The following COP1 variants were observed in gnomAD, a reference collection of about 807,000 sequenced individuals.
COP1 encodes the protein COP1 E3 ubiquitin ligase.
Under a neutral mutation model 101.3 loss-of-function variants are expected in COP1, and 24 were observed. The observed-to-expected ratio is 0.24, with a 90% CI of 0.17 to 0.33. COP1 has a LOEUF of 0.33. Ranked by LOEUF, COP1 falls within the 10% of genes least tolerant of loss-of-function variation. COP1 has a pLI of 1.00. For synonymous variants in COP1, 347 were observed against 341.9 expected (o/e 1.01, Z -0.17); for missense variants, 663 against 906.2 (o/e 0.73, Z 3.45).
intron 18 of COP1, among the ~76,000 whole-genome samples, chr1:175,985,163 T>G (rs775174300): frequency 2.6e-5 from 4 of 152,164 alleles, no homozygotes; most frequent in South Asian, 2.1e-4. Flanking sequence ...CAGTTAAAAT[T>G]TTCAATCTTG....
intron 9 of COP1, among the ~76,000 whole-genome samples, chr1:176,089,542 A>C (rs1255001699): frequency 1.3e-5 from 2 of 152,232 alleles, no homozygotes; most frequent in Non-Finnish European, 1.5e-5. Context: ...ACTGTACCAC[A>C]ATGCCAAATG....
In COP1 at chr1:176,206,892, CGAG is replaced by C; in HGVS notation, c.84_86del (p.Ser30del). The C allele has an allele frequency of 6.8e-7, 1 of 1,465,424 alleles. No individual in the cohort carries two copies. The highest frequency in any genetic ancestry group is 9.0e-7 in the Non-Finnish European group (1 of 1,114,120). The allele number at this position is 1,465,424 out of a possible 1,614,324, so 90.8% of individuals were successfully genotyped here. ...GCGGCGACGGGGAAGAGGATAAAGA[CGAG>C]GAGGCGGAAGTCACCGAGGAGGCCG... On this transcript the variant is annotated inframe_deletion, in exon 1 of 20. Coordinates refer to ENST00000367669, the MANE Select transcript of COP1 (RefSeq NM_022457.7).
intron 9 of COP1, among the ~76,000 whole-genome samples, chr1:176,102,883 G>T (rs1683654075): frequency 6.6e-6 from 1 of 152,138 alleles, no homozygotes; most frequent in Non-Finnish European, 1.5e-5. Context: ...AGTGCAAGAG[G>T]ACAGCTTCAA....
intron 15 of COP1, among the ~76,000 whole-genome samples, chr1:175,998,063 TAAAAAAAAAAAAAAAAAAAAAAA>T (rs57110017): frequency 1.5e-5 from 1 of 66,802 alleles, no homozygotes; most frequent in Non-Finnish European, 2.4e-5. Flanking sequence ...AGAGTATAAT[TAAAAAAAAAAAAAAAAAAAAAAA>T]AAAAGAAAAT....
At chr1:176,035,255 A>T (rs1172869869) in intron 14 of COP1, among the ~76,000 whole-genome samples, 2 of 149,368 alleles carry the variant, frequency 1.3e-5, no homozygotes, top group Non-Finnish European at 1.5e-5. Flanking sequence ...TATAGAAACT[A>T]TTTTTTTTTT....
chr1:176,124,825 T>A (rs1157545602), intron 8 of COP1, among the ~76,000 whole-genome samples: 3 of 152,180 alleles, frequency 2.0e-5, no homozygotes, highest in Admixed American at 6.6e-5. Context: ...TATTTTTAAT[T>A]TCTTGAGGAA....
At chr1:175,978,558 A>G (rs1211836820) in intron 18 of COP1, among the ~76,000 whole-genome samples, 2 of 152,040 alleles carry the variant, frequency 1.3e-5, no homozygotes, top group Non-Finnish European at 2.9e-5. Context: ...ACCCCACTCT[A>G]TTCTGGATAC....
At chr1:176,085,914 A>G in intron 9 of COP1, 24 bp from the exon 10 acceptor site, 1 of 1,339,832 alleles carries the variant, frequency 7.5e-7, no homozygotes, top group Non-Finnish European at 1.1e-6. Context: ...AAAAGACACA[A>G]AACTTAGAAT....
At position 176,173,986 on chromosome 1, in the gene COP1, CAAAAAAAAA is replaced by C. The variant is rs1212803591; in HGVS notation, c.565+1915_565+1923del. On this transcript the variant is annotated intron_variant, in intron 3 of 19. Transcript: ENST00000367669. ...TGGGCAACAGAGTGAGATGCTGTCT[CAAAAAAAAA>C]AAAAAAAAAAAAAGAGAATATATAT... is the stretch of plus-strand genomic sequence containing the variant. 1.0e-4 allele frequency among the ~76,000 whole-genome samples: 5 copies of C among 49,078 alleles called. No homozygotes were observed. In the South Asian group the frequency reaches 2.6e-3, roughly 25 times the overall value. 32.2% of individuals were successfully genotyped at this position (49,078 alleles called of 152,430 possible).
rs183255674 is a variant in COP1 at position 176,098,736 on chromosome 1, T to C, written c.1027-12846A>G. On this transcript the variant is annotated intron_variant, in intron 9 of 19. Transcript: ENST00000367669. ...TCATCATTTTGGCAAAATAAATAAC[T>C]TACCTGGAATAATTTGGAATTCTAT... Among the ~76,000 whole-genome samples, 45 of 152,338 alleles carry C rather than the reference T, an allele frequency of 3.0e-4. 1 individual carries two copies. In the East Asian group the frequency reaches 8.5e-3, roughly 29 times the overall value.
At chr1:176,027,381 G>A (rs1298155683) in intron 15 of COP1, among the ~76,000 whole-genome samples, 191 bp downstream of exon 15, 1 of 152,118 alleles carries the variant, frequency 6.6e-6, no homozygotes, top group Non-Finnish European at 1.5e-5. Flanking sequence ...AAAGATAAGT[G>A]ACAGAATAGT....
Position 176,081,296 on chromosome 1 carries a change from A to G in COP1, c.1142-9T>C. ...TGCAGTTCGACTGTCATCTATATGAAAAAAAAAAAAAAAAGACAAAACAGA... is the reference window on the plus strand; with the variant it reads ...TGCAGTTCGACTGTCATCTATATGAGAAAAAAAAAAAAAAGACAAAACAGA... On this transcript the variant is annotated splice_polypyrimidine_tract_variant and intron_variant, in intron 10 of 19. Transcript: ENST00000367669. The G allele has an allele frequency of 1.2e-6, 1 of 809,238 alleles. No individual in the cohort carries two copies. The allele number at this position is 809,238 out of a possible 1,614,324, so 50.1% of individuals were successfully genotyped here.
chr1:176,007,287 G>T (rs1485434592), intron 15 of COP1, among the ~76,000 whole-genome samples: 1 of 151,968 alleles, frequency 6.6e-6, no homozygotes, highest in African/African-American at 2.4e-5. Flanking sequence ...CCTTTGGTTT[G>T]CATGTCCTCC....
intron 5 of COP1, among the ~76,000 whole-genome samples, chr1:176,154,541 C>T (rs984910808): frequency 6.6e-6 from 1 of 152,048 alleles, no homozygotes. Flanking sequence ...AGGACGAAAA[C>T]CAAATACCAC....
intron 11 of COP1, among the ~76,000 whole-genome samples, chr1:176,049,743 G>A (rs1237594590): frequency 1.3e-5 from 2 of 152,024 alleles, no homozygotes; most frequent in African/African-American, 4.8e-5. Flanking sequence ...TGAACTAACT[G>A]AAATGAACAC....
chr1:176,039,872 A>C (rs1290364807), intron 14 of COP1, among the ~76,000 whole-genome samples: 1 of 152,194 alleles, frequency 6.6e-6, no homozygotes, highest in African/African-American at 2.4e-5. Context: ...TAAAAGAATA[A>C]AGGTGGATCG....
At chr1:176,047,803 G>A (rs544699133) in intron 11 of COP1, among the ~76,000 whole-genome samples, 13 of 152,206 alleles carry the variant, frequency 8.5e-5, no homozygotes, top group African/African-American at 2.6e-4. Flanking sequence ...GGCTGGGTTC[G>A]GTGGCTCATG....
intron 5 of COP1, chr1:176,160,354 G>C (rs887555764): frequency 6.7e-6 from 2 of 298,574 alleles, no homozygotes; most frequent in African/African-American, 4.8e-5. Flanking sequence ...CAGGACATAG[G>C]AATGGGCAAA....
chr1:176,025,782 T>G (rs757476413), intron 15 of COP1, among the ~76,000 whole-genome samples: 2 of 151,796 alleles, frequency 1.3e-5, no homozygotes, highest in Non-Finnish European at 2.9e-5. Flanking sequence ...CCCAGCTACT[T>G]GGGAGGCTGA....
Sources: allele counts gnomAD v4.1 joint callset (sites outside exome capture counted in the v4.1 genomes callset), GRCh38; gene constraint gnomAD v4.1.1; transcripts MANE v1.5; gene names NCBI Gene and HGNC (gene_info 2026-07-23, HGNC 2026-07-21).